The following NEDD4 variants were observed in gnomAD, a reference collection of about 807,000 sequenced individuals.
NEDD4 encodes the protein E3 ubiquitin-protein ligase NEDD4.
NEDD4 carries 99 observed loss-of-function variants against 144.9 expected under a neutral mutation model. The ratio of observed to expected loss-of-function variants is 0.68; its 90% CI spans 0.58 to 0.81. The LOEUF is 0.81. NEDD4 is among the 30% of genes least tolerant of loss of function. NEDD4 has a pLI of 0.00. For missense variants in NEDD4, 985 were observed against 1,065.9 expected, an observed-to-expected ratio of 0.92 and a Z score of 1.06; for synonymous variants, 318 against 350.6, an observed-to-expected ratio of 0.91 and a Z score of 1.04.
chr15:55,848,974 G>A, intron 14 of NEDD4, 88 bp from the exon 15 acceptor site: 1 of 968,108 alleles, frequency 1.0e-6, no homozygotes, highest in South Asian at 1.4e-5. Context: ...AACATCAATG[G>A]ATATTTAAAA....
chr15:55,865,207 A>AC (rs1174852958), intron 8 of NEDD4, among the ~76,000 whole-genome samples: 1 of 151,476 alleles, frequency 6.6e-6, no homozygotes, highest in African/African-American at 2.4e-5. Flanking sequence ...CAAAAAAAAA[A>AC]AAAAAAAAAA....
intron 5 of NEDD4, among the ~76,000 whole-genome samples, chr15:55,918,018 C>T (rs1442388556): frequency 6.6e-6 from 1 of 152,210 alleles, no homozygotes; most frequent in African/African-American, 2.4e-5. Flanking sequence ...TCTTTGCTGG[C>T]CCCTGCTGGT....
chr15:55,848,200 T>A (rs576936028), intron 17 of NEDD4, among the ~76,000 whole-genome samples, 172 bp downstream of exon 17: 1 of 152,320 alleles, frequency 6.6e-6, no homozygotes, highest in East Asian at 1.9e-4. Context: ...GATAATGACG[T>A]TATAGAATCT....
At chr15:55,962,875 C>A (rs2037448076) in intron 2 of NEDD4, among the ~76,000 whole-genome samples, 1 of 151,570 alleles carries the variant, frequency 6.6e-6, no homozygotes, top group African/African-American at 2.4e-5. Context: ...CAACCTCTGC[C>A]TCCTGGGTTC....
chr15:55,831,157 T>A (rs2032931193), intron 27 of NEDD4, among the ~76,000 whole-genome samples: 2 of 152,186 alleles, frequency 1.3e-5, no homozygotes, highest in South Asian at 2.1e-4. Context: ...TGACCTCAGG[T>A]GATCTGCCTG....
chr15:55,842,197 T>C, intron 18 of NEDD4, 34 bp from the exon 19 acceptor site: 4 of 1,550,152 alleles, frequency 2.6e-6, no homozygotes, highest in Non-Finnish European at 3.6e-6. Context: ...ACTGTTTAAA[T>C]CAGTTCAACA....
intron 2 of NEDD4, among the ~76,000 whole-genome samples, chr15:55,956,710 G>C (rs2037344407): frequency 6.6e-6 from 1 of 152,198 alleles, no homozygotes; most frequent in African/African-American, 2.4e-5. Flanking sequence ...TATTATAACT[G>C]TGTAGCAAGT....
At chr15:55,949,187 A>C (rs1419992800) in intron 4 of NEDD4, among the ~76,000 whole-genome samples, 2 of 152,194 alleles carry the variant, frequency 1.3e-5, no homozygotes, top group Admixed American at 1.3e-4. Flanking sequence ...GCAGCCAAAA[A>C]ACACATGTAA....
chr15:55,976,107 C>G (rs1452433127), intron 1 of NEDD4, among the ~76,000 whole-genome samples: 1 of 152,174 alleles, frequency 6.6e-6, no homozygotes, highest in East Asian at 1.9e-4. Flanking sequence ...ACCCCTATCT[C>G]TTGTCATATA....
At chr15:55,832,759 T>C (rs904202648) in intron 27 of NEDD4, among the ~76,000 whole-genome samples, 1 of 152,116 alleles carries the variant, frequency 6.6e-6, no homozygotes. Context: ...GGCATAGAAT[T>C]TGAAGTTAAA....
At position 55,860,499 on chromosome 15, in the gene NEDD4, T is replaced by C; in HGVS notation, c.868A>G (p.Asn290Asp). ...GCAAGATGAGTTGGAACATCCAAGT[T>C]ACTTGACGGTGGAGGTGATGGGAAG... ...QAFPSPPPSS[N>D]LDVPTHLAEE... The change falls in exon 11 of 29, where the codon AAC becomes GAC. Residue 290 changes from asparagine (N) to aspartate (D), a missense_variant. Transcript: ENST00000435532. The C allele has an allele frequency of 6.2e-7, 1 of 1,614,194 alleles. No homozygotes were observed. Among genetic ancestry groups the C allele is most frequent in the Non-Finnish European group, 8.5e-7 (1 of 1,180,022 alleles).
At position 55,860,700 on chromosome 15, in the gene NEDD4, G is replaced by C; in HGVS notation, c.753C>G (p.Ser251=). 6.2e-7 allele frequency: 1 copy of C among 1,614,102 alleles called. No homozygotes were observed. The highest frequency in any genetic ancestry group is 8.5e-7 in the Non-Finnish European group (1 of 1,180,002). Residue 251 remains serine (S), a synonymous_variant, in exon 10 of 29, where the codon TCC becomes TCG. Transcript: ENST00000435532. ...GGTTGTCAACACTTTCTGTTTCCTC[G>C]GATATCTGCCGCCTGGTGGTAAATG... The part of the protein sequence containing the change: ...QRAFTTRRQI[S]EETESVDNRE...
intron 1 of NEDD4, among the ~76,000 whole-genome samples, chr15:55,977,723 T>G (rs2037729780): frequency 6.6e-6 from 1 of 150,434 alleles, no homozygotes; most frequent in Non-Finnish European, 1.5e-5. Context: ...AAATGGGAGA[T>G]TTTATTTAAT....
intron 4 of NEDD4, among the ~76,000 whole-genome samples, chr15:55,939,783 A>G (rs1478151268): frequency 2.0e-5 from 3 of 152,172 alleles, no homozygotes; most frequent in Non-Finnish European, 4.4e-5. Flanking sequence ...AAAATAGTAT[A>G]GCCTCTATAG....
At chr15:55,972,136 C>A (rs528587964) in intron 1 of NEDD4, among the ~76,000 whole-genome samples, 6 of 152,254 alleles carry the variant, frequency 3.9e-5, no homozygotes, top group Non-Finnish European at 8.8e-5. Flanking sequence ...GGGTGTCCCA[C>A]AGTCTAAAAG....
intron 17 of NEDD4, among the ~76,000 whole-genome samples, chr15:55,847,643 C>T (rs2033801969): frequency 6.6e-6 from 1 of 150,510 alleles, no homozygotes; most frequent in Non-Finnish European, 1.5e-5. Flanking sequence ...GTCTTACATA[C>T]TGGGCATTTA....
intron 14 of NEDD4, among the ~76,000 whole-genome samples, chr15:55,849,711 A>G (rs1216633108): frequency 1.3e-5 from 2 of 150,340 alleles, no homozygotes; most frequent in East Asian, 3.9e-4. Flanking sequence ...TAATTTATTA[A>G]ATAAGTTTAG....
In NEDD4 at chr15:55,984,977, A is replaced by G. The variant is rs375276458; in HGVS notation, c.45+8534T>C. 7.2e-5 allele frequency among the ~76,000 whole-genome samples: 11 copies of G among 152,210 alleles called. No homozygotes were observed. The East Asian group carries it at 7.7e-4, about 11-fold the overall frequency. Reference sequence around the variant, plus strand: ...TTCAACTGGTTCCTGCATGTCTCCAAATGCTATAGAATATTTCTGAGACAG... The same window carrying G: ...TTCAACTGGTTCCTGCATGTCTCCAGATGCTATAGAATATTTCTGAGACAG... On this transcript the variant is annotated intron_variant, in intron 1 of 28. Transcript: ENST00000435532.
intron 5 of NEDD4, among the ~76,000 whole-genome samples, chr15:55,892,327 A>C (rs1402564723): frequency 1.3e-5 from 2 of 150,096 alleles, no homozygotes; most frequent in Non-Finnish European, 1.5e-5. Flanking sequence ...TAAATAATAA[A>C]TATGAATTAT....
Sources: gnomAD v4.1 joint callset for allele counts (sites outside exome capture counted in the v4.1 genomes callset) on GRCh38, gnomAD v4.1.1 for gene constraint, MANE v1.5 for transcripts, NCBI Gene and HGNC (gene_info 2026-07-23, HGNC 2026-07-21) for gene names.